Variants in ROR1 observed in about 807,000 individuals in gnomAD.
The protein encoded by ROR1 is ROR family WNT receptor 1.
ROR1 carries 19 observed loss-of-function variants against 78.8 expected under a neutral mutation model. That is an observed-to-expected ratio of 0.24 (90% CI 0.17 to 0.35). The LOEUF (loss-of-function observed/expected upper bound fraction) is 0.35. Among genes scored for constraint, ROR1 ranks in the 10% least tolerant of loss-of-function variants. ROR1 has a pLI of 1.00. For synonymous variants in ROR1, 386 were observed against 433.6 expected (o/e 0.89, Z 1.36); for missense variants, 917 against 1,177.8 (o/e 0.78, Z 3.24).
Position 64,014,713 on chromosome 1 carries a change from C to CTATATATATATATATATATATA in ROR1, c.163+5351_163+5352insTATATATATATATATATATATA, listed in dbSNP as rs112423773. Among the ~76,000 whole-genome samples the CTATATATATATATATATATATA allele has an allele frequency of 9.1e-3, 267 of 29,264 alleles. 13 individuals carry two copies. The highest frequency in any genetic ancestry group is 0.02 in the Non-Finnish European group (224 of 11,326). The allele number at this position is 29,264 out of a possible 152,430, so 19.2% of individuals were successfully genotyped here. Reference sequence around the variant, plus strand: ...GCAAATAGTTCTCTGTGCTGACAGACTATATATATATATACACATACGCAC... The same window carrying CTATATATATATATATATATATA: ...GCAAATAGTTCTCTGTGCTGACAGACTATATATATATATATATATATATATATATATATATACACATACGCAC... On this transcript the variant is annotated intron_variant, in intron 2 of 8. Transcript: ENST00000371079.
At chr1:63,866,474 G>A (rs148111518) in intron 1 of ROR1, among the ~76,000 whole-genome samples, 2 of 152,298 alleles carry the variant, frequency 1.3e-5, no homozygotes, top group African/African-American at 4.8e-5. Flanking sequence ...TCTTGAATAA[G>A]TGGTTTCTTT....
At chr1:63,974,862 G>A (rs115344218) in intron 1 of ROR1, among the ~76,000 whole-genome samples, 1 of 152,102 alleles carries the variant, frequency 6.6e-6, no homozygotes, top group South Asian at 2.1e-4. Context: ...ATTTACTGAG[G>A]TATGAGGGGG....
At chr1:64,137,543 T>G (rs369310762) in intron 5 of ROR1, 47 bp downstream of exon 5, 40 of 1,585,242 alleles carry the variant, frequency 2.5e-5, no homozygotes, top group Non-Finnish European at 3.2e-5. Context: ...ATAACTATTT[T>G]TCTCGCCAAA....
At chr1:63,930,122 C>G (rs112803143) in intron 1 of ROR1, among the ~76,000 whole-genome samples, 1 of 152,160 alleles carries the variant, frequency 6.6e-6, no homozygotes, top group African/African-American at 2.4e-5. Flanking sequence ...TCTAGCCCCC[C>G]ACCCGCTGAC....
At position 63,922,448 on chromosome 1, in the gene ROR1, A is replaced by G. The variant is rs552475436; in HGVS notation, c.92-86857A>G. ...GTTAGCAACCTCTGGTATCTGGTTA[A>G]CAGTTCACTTTGTGCAGGTTATTCC... On this transcript the variant is annotated intron_variant, in intron 1 of 8. Coordinates refer to ENST00000371079, the MANE Select transcript of ROR1 (RefSeq NM_005012.4). Among the ~76,000 whole-genome samples the G allele has an allele frequency of 3.2e-4, 48 of 152,314 alleles. 1 individual carries two copies. The highest frequency in any genetic ancestry group is 1.1e-3 in the African/African-American group (44 of 41,560).
At chr1:64,142,723 A>C in intron 7 of ROR1, 73 bp downstream of exon 7, 3 of 1,581,348 alleles carry the variant, frequency 1.9e-6, no homozygotes, top group Non-Finnish European at 8.6e-7. Context: ...CTTATTTAGG[A>C]GAATCCTATA....
At chr1:64,019,094 A>G (rs1026077804) in intron 2 of ROR1, among the ~76,000 whole-genome samples, 3 of 152,148 alleles carry the variant, frequency 2.0e-5, no homozygotes, top group African/African-American at 7.2e-5. Context: ...TCTGGTGTAT[A>G]GCCTGTGATT....
chr1:64,009,404 C>A, intron 2 of ROR1, 28 bp downstream of exon 2: 1 of 1,551,132 alleles, frequency 6.4e-7, no homozygotes, highest in Non-Finnish European at 8.9e-7. Flanking sequence ...ACAGGGGAGG[C>A]GAGGAAAGAG....
At chr1:63,978,110 T>G (rs920415029) in intron 1 of ROR1, among the ~76,000 whole-genome samples, 1 of 152,212 alleles carries the variant, frequency 6.6e-6, no homozygotes, top group Non-Finnish European at 1.5e-5. Context: ...CACTAGAGGT[T>G]ATCTGGTTAG....
chr1:63,868,133 G>T (rs1691385), intron 1 of ROR1, among the ~76,000 whole-genome samples: 85,907 of 150,636 alleles, frequency 0.57, 27,735 homozygotes, highest in African/African-American at 0.89. Flanking sequence ...CGCAGTTTTT[G>T]TTGTTGTTGT....
chr1:64,101,075 A>G (rs1647518559), intron 4 of ROR1, among the ~76,000 whole-genome samples: 1 of 152,216 alleles, frequency 6.6e-6, no homozygotes, highest in African/African-American at 2.4e-5. Context: ...TCACAGATGA[A>G]ATCATGAGGG....
intron 2 of ROR1, among the ~76,000 whole-genome samples, chr1:64,020,861 C>T (rs1646559438): frequency 6.6e-6 from 1 of 152,124 alleles, no homozygotes; most frequent in South Asian, 2.1e-4. Flanking sequence ...TTTAGACAAA[C>T]TTCGAAAATG....
chr1:64,015,079 A>G (rs1002183415), intron 2 of ROR1, among the ~76,000 whole-genome samples: 2 of 151,964 alleles, frequency 1.3e-5, no homozygotes, highest in Non-Finnish European at 2.9e-5. Flanking sequence ...CAAGTCCTAC[A>G]TGGATGGTGG....
chr1:63,876,506 C>T (rs754803880), intron 1 of ROR1, among the ~76,000 whole-genome samples: 10 of 151,916 alleles, frequency 6.6e-5, no homozygotes, highest in South Asian at 2.1e-4. Flanking sequence ...TCCTTAAATG[C>T]CTAATTTTTA....
chr1:63,788,917 TC>T, intron 1 of ROR1: 1 of 865,894 alleles, frequency 1.2e-6, no homozygotes, highest in Non-Finnish European at 1.9e-6. Context: ...TTGAACACGT[TC>T]CCCTTAACCT....
intron 1 of ROR1, among the ~76,000 whole-genome samples, chr1:63,848,146 T>A (rs1237869254): frequency 6.6e-6 from 1 of 152,236 alleles, no homozygotes; most frequent in Non-Finnish European, 1.5e-5. Context: ...CTGTTATTAA[T>A]AAAGAGGTCA....
At chr1:64,057,135 C>T (rs1265048522) in intron 4 of ROR1, among the ~76,000 whole-genome samples, 1 of 152,102 alleles carries the variant, frequency 6.6e-6, no homozygotes, top group Non-Finnish European at 1.5e-5. Flanking sequence ...ACAGTTTTAG[C>T]TCTTACATTT....
chr1:63,851,901 G>C (rs1053374385), intron 1 of ROR1, among the ~76,000 whole-genome samples: 1 of 152,244 alleles, frequency 6.6e-6, no homozygotes, highest in Non-Finnish European at 1.5e-5. Context: ...AGGGAAGATG[G>C]AAGACAAGTA....
At chr1:63,844,746 G>A (rs1463670930) in intron 1 of ROR1, among the ~76,000 whole-genome samples, 1 of 151,916 alleles carries the variant, frequency 6.6e-6, no homozygotes, top group Non-Finnish European at 1.5e-5. Flanking sequence ...CCTGTTTAAA[G>A]TTATCTCCTC....
Sources: allele counts gnomAD v4.1 joint callset (sites outside exome capture counted in the v4.1 genomes callset), GRCh38; gene constraint gnomAD v4.1.1; transcripts MANE v1.5; gene names NCBI Gene and HGNC (gene_info 2026-07-23, HGNC 2026-07-21).